The following RELN variants were observed in gnomAD, a reference collection of about 807,000 sequenced individuals.
The protein encoded by RELN is reelin.
In RELN, 108 loss-of-function variants were observed where a neutral mutation model predicts 427.6. The ratio of observed to expected loss-of-function variants is 0.25; its 90% CI spans 0.22 to 0.30. The LOEUF (loss-of-function observed/expected upper bound fraction) is 0.30, where lower values mean the gene tolerates loss of function less well. RELN is among the 10% of genes least tolerant of loss of function. The pLI, the probability that RELN is intolerant of heterozygous loss-of-function variation, is 1.00. For missense variants in RELN, 3,715 were observed against 4,302.8 expected (o/e 0.86, Z 3.82); for synonymous variants, 1,524 against 1,513.4 (o/e 1.01, Z -0.16).
At chr7:103,961,123 G>A (rs546114361) in intron 1 of RELN, among the ~76,000 whole-genome samples, 1 of 152,326 alleles carries the variant, frequency 6.6e-6, no homozygotes, top group East Asian at 1.9e-4. Flanking sequence ...AGACATGCCT[G>A]TTATAGGTAC....
At chr7:103,755,977 A>G (rs1014414395) in intron 4 of RELN, among the ~76,000 whole-genome samples, 1 of 152,206 alleles carries the variant, frequency 6.6e-6, no homozygotes, top group Non-Finnish European at 1.5e-5. Flanking sequence ...TTGTGAAATA[A>G]ACTGGTTAAA....
chr7:103,665,144 T>G (rs1833232333), intron 11 of RELN, among the ~76,000 whole-genome samples: 1 of 152,080 alleles, frequency 6.6e-6, no homozygotes, highest in Admixed American at 6.6e-5. Context: ...TCCAATATGG[T>G]TTTTTCTATA....
intron 50 of RELN, chr7:103,513,798 T>C (rs1273426063): frequency 6.6e-6 from 1 of 152,074 alleles, no homozygotes; most frequent in Non-Finnish European, 1.5e-5. Context: ...GAAATATATA[T>C]AATTTAAGAC....
intron 16 of RELN, among the ~76,000 whole-genome samples, chr7:103,645,270 C>T (rs1832775441): frequency 1.3e-5 from 2 of 151,694 alleles, no homozygotes; most frequent in South Asian, 4.1e-4. Context: ...GGAATAAAAA[C>T]TCACATGTCA....
intron 28 of RELN, among the ~76,000 whole-genome samples, chr7:103,578,097 T>C (rs1831044764): frequency 1.3e-5 from 2 of 152,206 alleles, no homozygotes; most frequent in Non-Finnish European, 2.9e-5. Context: ...TGATAGTGAA[T>C]GAAGGACAAG....
rs1223507907 is a variant in RELN, at chr7:103,674,946, A to G, written c.1289+7170T>C. Among the ~76,000 whole-genome samples, 3 of 152,174 alleles carry G rather than the reference A, an allele frequency of 2.0e-5. No homozygotes were observed. The East Asian group carries it at 5.8e-4, about 29-fold the overall frequency. Reference sequence around the variant, plus strand: ...GCCAATATCATACTGAATGGGCAAAAACTGGAAGCATTCCCTTTGAAAACT... The same window carrying G: ...GCCAATATCATACTGAATGGGCAAAGACTGGAAGCATTCCCTTTGAAAACT... On this transcript the variant is annotated intron_variant, in intron 11 of 64. Transcript: ENST00000428762.
chr7:103,579,694 AAAG>A (rs1344824125), intron 28 of RELN, among the ~76,000 whole-genome samples: 3 of 151,964 alleles, frequency 2.0e-5, no homozygotes, highest in Non-Finnish European at 4.4e-5. Context: ...AGATAAATAA[AAAG>A]AAGAAGATAT....
intron 3 of RELN, among the ~76,000 whole-genome samples, chr7:103,793,420 A>C (rs1792216403): frequency 6.6e-6 from 1 of 152,136 alleles, no homozygotes; most frequent in South Asian, 2.1e-4. Context: ...ATTACAGCTG[A>C]TTTTATTCTG....
chr7:103,559,125 A>C (rs1478207028), intron 36 of RELN, among the ~76,000 whole-genome samples: 1 of 152,182 alleles, frequency 6.6e-6, no homozygotes, highest in Non-Finnish European at 1.5e-5. Context: ...CTCATATTGC[A>C]GATAAGGAAA....
chr7:103,987,004 TAAAAGG>T (rs1392158643), intron 1 of RELN, among the ~76,000 whole-genome samples: 1 of 127,464 alleles, frequency 7.8e-6, no homozygotes, highest in African/African-American at 3.0e-5. Flanking sequence ...TTCAAAAGCC[TAAAAGG>T]AAAAGAGACA....
chr7:103,501,531 T>C (rs749261501), intron 52 of RELN, among the ~76,000 whole-genome samples: 9 of 152,202 alleles, frequency 5.9e-5, no homozygotes, highest in Non-Finnish European at 1.0e-4. Context: ...CTCATAATTA[T>C]CCTTATATTA....
chr7:103,905,765 G>T (rs1795190766), intron 2 of RELN, among the ~76,000 whole-genome samples: 1 of 138,568 alleles, frequency 7.2e-6, no homozygotes. Flanking sequence ...AGACTTAAAG[G>T]TTTTTAAACA....
At chr7:103,797,559 T>A (rs1204834558) in intron 3 of RELN, among the ~76,000 whole-genome samples, 3 of 152,184 alleles carry the variant, frequency 2.0e-5, no homozygotes, top group African/African-American at 7.2e-5. Context: ...ACATTCCGAT[T>A]TTACTAGTTT....
intron 4 of RELN, among the ~76,000 whole-genome samples, chr7:103,763,070 G>C (rs1182617470): frequency 6.6e-6 from 1 of 152,182 alleles, no homozygotes; most frequent in East Asian, 1.9e-4. Flanking sequence ...TACACAGACT[G>C]TATAGAAGTT....
chr7:103,816,051 G>A (rs915697364), intron 3 of RELN, among the ~76,000 whole-genome samples: 2 of 152,094 alleles, frequency 1.3e-5, no homozygotes, highest in Non-Finnish European at 1.5e-5. Flanking sequence ...TTTTCTTAAC[G>A]TCAAATTAGC....
rs362666 is a variant in RELN at position 103,594,967 on chromosome 7, T to C, written c.3540-475A>G. 6.9e-3 allele frequency among the ~76,000 whole-genome samples: 1,054 copies of C among 152,328 alleles called. 9 individuals carry two copies. Among genetic ancestry groups the C allele is most frequent in the African/African-American group, 0.023 (973 of 41,586 alleles). On this transcript the variant is annotated intron_variant, in intron 25 of 64. Coordinates refer to ENST00000428762, the MANE Select transcript of RELN (RefSeq NM_005045.4). ...TGGCTTCTGTTAACATTTTGATGTA[T>C]CTCTTCACAGCTTATAATCTTTTAT...
chr7:103,729,288 C>T (rs1314578721), intron 6 of RELN, among the ~76,000 whole-genome samples: 1 of 151,954 alleles, frequency 6.6e-6, no homozygotes, highest in African/African-American at 2.4e-5. Flanking sequence ...CCCTTTCAGC[C>T]GTTTGTTAAT....
chr7:103,610,980 T>C (rs141635276), intron 21 of RELN, among the ~76,000 whole-genome samples, 173 bp from the exon 22 acceptor site: 2 of 152,298 alleles, frequency 1.3e-5, no homozygotes, highest in Admixed American at 1.3e-4. Flanking sequence ...TAAAACTTCA[T>C]AGAAAGTCTT....
At chr7:103,564,858 T>C (rs960912307) in intron 34 of RELN, among the ~76,000 whole-genome samples, 4 of 152,014 alleles carry the variant, frequency 2.6e-5, no homozygotes, top group Non-Finnish European at 5.9e-5. Flanking sequence ...GGAAGACAGA[T>C]GCAAAACAAT....
Sources: allele counts gnomAD v4.1 joint callset (sites outside exome capture counted in the v4.1 genomes callset), GRCh38; gene constraint gnomAD v4.1.1; transcripts MANE v1.5; gene names NCBI Gene and HGNC (gene_info 2026-07-23, HGNC 2026-07-21).